The following PTOV1 variants were observed in gnomAD, a reference collection of about 807,000 sequenced individuals.
The protein encoded by PTOV1 is prostate tumor-overexpressed gene 1 protein.
Under a neutral mutation model 58.0 loss-of-function variants are expected in PTOV1, and 20 were observed. The observed-to-expected ratio is 0.34, with a 90% CI of 0.24 to 0.50. The LOEUF (loss-of-function observed/expected upper bound fraction) is 0.50, where lower values mean the gene tolerates loss of function less well. Ranked by LOEUF, PTOV1 falls within the 20% of genes least tolerant of loss-of-function variation. The pLI is 0.98. For synonymous variants in PTOV1, 335 were observed against 234.2 expected, an observed-to-expected ratio of 1.43 and a Z score of -3.93; for missense variants, 593 against 565.4, an observed-to-expected ratio of 1.05 and a Z score of -0.50.
exon 10 of PTOV1, chr19:49,858,635 G>A (rs1380996142): frequency 1.2e-6 from 2 of 1,601,130 alleles, no homozygotes; most frequent in East Asian, 2.2e-5. Context: ...GCCTGTGCCG[G>A]ATCATGGACA....
upstream of PTOV1, chr19:49,850,974 G>A: frequency 6.5e-7 from 1 of 1,535,232 alleles, no homozygotes; most frequent in Non-Finnish European, 8.7e-7. Context: ...TCCCGTTCCC[G>A]CCACGCCCCC....
intron 1 of PTOV1, chr19:49,851,940 G>A (rs1327284314): frequency 6.0e-6 from 5 of 833,368 alleles, no homozygotes; most frequent in Non-Finnish European, 6.6e-6. Context: ...ACCCGTGGGC[G>A]TTCTCCCCTG....
intron 1 of PTOV1, chr19:49,852,260 GCA>G (rs2074282828): frequency 5.2e-6 from 1 of 191,216 alleles, no homozygotes; most frequent in African/African-American, 2.4e-5. Context: ...GGTGTGGATG[GCA>G]CAGAGCTGTG....
rs780444391 is a variant in PTOV1, at chr19:49,858,140, A to G, written c.936+26A>G. On this transcript the variant is annotated intron_variant, in intron 9 of 11. Transcript: ENST00000391842. ...GTGAGGGGCTGGGGCCGGGTGCTGG[A>G]GCCTGCACGCAGTAGCTCTTCCAGA... 3 of 1,609,660 alleles carry G rather than the reference A, an allele frequency of 1.9e-6. No individual in the cohort carries two copies. The South Asian group carries it at 3.3e-5, about 18-fold the overall frequency.
At position 49,855,299 on chromosome 19, in the gene PTOV1, GCCCA is replaced by G. The variant is rs1465509021; in HGVS notation, c.558+223_558+226del. The G allele has an allele frequency of 1.9e-5, 11 of 570,290 alleles. No individual in the cohort carries two copies. In the African/African-American group the frequency reaches 2.1e-4, roughly 11 times the overall value. 35.3% of individuals were successfully genotyped at this position (570,290 alleles called of 1,614,324 possible). A position where few individuals can be genotyped will look rare whatever the true frequency, so the allele number is the denominator to read the frequency against. On this transcript the variant is annotated intron_variant, in intron 5 of 11. Transcript: ENST00000391842. ...AGAGGCCTCCAGTTTCTGCATCTGTGCCCAGCTTCGAGGTGGCCCTGGGGGCGTG... is the reference window on the plus strand; with the variant it reads ...AGAGGCCTCCAGTTTCTGCATCTGTGGCTTCGAGGTGGCCCTGGGGGCGTG...
At chr19:49,853,857 C>T (rs1305170458) in intron 1 of PTOV1, among the ~76,000 whole-genome samples, 1 of 152,190 alleles carries the variant, frequency 6.6e-6, no homozygotes, top group Non-Finnish European at 1.5e-5. Flanking sequence ...CCCCCGGGGT[C>T]AGACTTATAA....
At chr19:49,857,423 AACC>A in intron 6 of PTOV1, 1 of 603,900 alleles carries the variant, frequency 1.7e-6, no homozygotes, top group Non-Finnish European at 2.9e-6. Flanking sequence ...CCTGCCTGGT[AACC>A]ACGTGTCCTG....
intron 1 of PTOV1, chr19:49,852,152 C>A: frequency 1.1e-6 from 1 of 881,792 alleles, no homozygotes; most frequent in Non-Finnish European, 1.4e-6. Flanking sequence ...GGCTGTAAAA[C>A]CGCACATCGC....
At chr19:49,851,559 C>T (rs975920617) in intron 1 of PTOV1, 60 bp downstream of exon 1, 8 of 1,064,422 alleles carry the variant, frequency 7.5e-6, no homozygotes, top group Admixed American at 4.6e-5. Context: ...GCCCCTATCC[C>T]GGGCTCACGC....
intron 10 of PTOV1, chr19:49,858,856 G>A: frequency 3.7e-6 from 2 of 544,004 alleles, no homozygotes; most frequent in South Asian, 4.9e-5. Context: ...GGTTCTGCGG[G>A]GGCCTGCTCC....
At chr19:49,851,934 G>A (rs2058514234) in intron 1 of PTOV1, 5 of 853,250 alleles carry the variant, frequency 5.9e-6, no homozygotes, top group Non-Finnish European at 6.5e-6. Flanking sequence ...TGTCGCACCC[G>A]TGGGCGTTCT....
At chr19:49,860,289 C>CG in exon 12 of PTOV1, 2 of 1,568,950 alleles carry the variant, frequency 1.3e-6, no homozygotes, top group Non-Finnish European at 1.7e-6. Flanking sequence ...GTGGTTACCC[C>CG]GGGCTGGGCC....
At chr19:49,857,575 T>C (rs915426904) in intron 6 of PTOV1, 118 bp from the exon 7 acceptor site, 32 of 923,836 alleles carry the variant, frequency 3.5e-5, no homozygotes, top group Non-Finnish European at 5.1e-5. Flanking sequence ...GACTAGAGAA[T>C]GGACCCAGCT....
chr19:49,859,867 T>G, intron 10 of PTOV1, 119 bp from the exon 11 acceptor site: 2 of 1,084,122 alleles, frequency 1.8e-6, no homozygotes, highest in Non-Finnish European at 2.8e-6. Flanking sequence ...GGGTGGGGGG[T>G]GTGAGGACAG....
chr19:49,858,348 TG>T, intron 9 of PTOV1, 200 bp from the exon 10 acceptor site: 2 of 687,884 alleles, frequency 2.9e-6, no homozygotes, highest in Middle Eastern at 4.1e-4. Flanking sequence ...GACCTGCACC[TG>T]GGGGGCTGCC....
At chr19:49,858,618 C>T (rs569749854) in exon 10 of PTOV1, 13 of 1,604,388 alleles carry the variant, frequency 8.1e-6, no homozygotes, top group Middle Eastern at 1.7e-4. Context: ...CCTGGAGACA[C>T]TGAAGAGCCT....
chr19:49,851,592 T>C, intron 1 of PTOV1, 93 bp downstream of exon 1: 2 of 991,940 alleles, frequency 2.0e-6, no homozygotes, highest in Non-Finnish European at 2.5e-6. Flanking sequence ...CCCCCGCCGC[T>C]CCGGGGTGTC....
intron 10 of PTOV1, among the ~76,000 whole-genome samples, chr19:49,859,572 C>CAA (rs113785990): frequency 3.5e-4 from 45 of 127,706 alleles, no homozygotes; most frequent in African/African-American, 1.1e-3. Context: ...AACTCAGTCT[C>CAA]AAAAAAAAAA....
Position 49,854,751 on chromosome 19 carries a change from G to C in PTOV1, c.392+17G>C, listed in dbSNP as rs368435954. On this transcript the variant is annotated intron_variant, in intron 3 of 11. Transcript: ENST00000391842. ...CGAGAACCTGTGAGTGCCGGGGCGT[G>C]GCAGCCAGGGCGGTGGCAGGGGCAG... is the stretch of plus-strand genomic sequence containing the variant. 7.4e-6 allele frequency: 12 copies of C among 1,613,186 alleles called. No individual in the cohort carries two copies. In the African/African-American group the frequency reaches 1.6e-4, roughly 22 times the overall value.
Sources: gnomAD v4.1 joint callset for allele counts (sites outside exome capture counted in the v4.1 genomes callset) on GRCh38, gnomAD v4.1.1 for gene constraint, MANE v1.5 for transcripts, NCBI Gene and HGNC (gene_info 2026-07-23, HGNC 2026-07-21) for gene names.